Variants in ATIC observed in about 807,000 individuals in gnomAD.
The protein encoded by ATIC is 5-aminoimidazole-4-carboxamide ribonucleotide formyltransferase/IMP cyclohydrolase.
ATIC carries 64 observed loss-of-function variants against 72.5 expected under a neutral mutation model. The ratio of observed to expected loss-of-function variants is 0.88; its 90% CI spans 0.72 to 1.09. ATIC has a LOEUF of 1.09. ATIC is among the 50% of genes least tolerant of loss of function. ATIC has a pLI of 0.00. For missense variants in ATIC, 787 were observed against 732.4 expected, an observed-to-expected ratio of 1.07 and a Z score of -0.86; for synonymous variants, 281 against 267.1, an observed-to-expected ratio of 1.05 and a Z score of -0.51.
rs773244918 is a variant in ATIC, at chr2:215,319,776, C to T, written c.290+45C>T. ...CTTTTAACACATTACGAACCAACGA[C>T]AAAGACTATGCCAAACCTGGTGTCC... is the stretch of plus-strand genomic sequence containing the variant. On this transcript the variant is annotated intron_variant, in intron 4 of 15. Coordinates refer to ENST00000236959, the MANE Select transcript of ATIC (RefSeq NM_004044.7). The T allele has an allele frequency of 8.9e-6, 13 of 1,462,440 alleles. No individual in the cohort carries two copies. In the East Asian group the frequency reaches 2.7e-4, roughly 31 times the overall value. The allele number at this position is 1,462,440 out of a possible 1,614,324, so 90.6% of individuals were successfully genotyped here.
intron 3 of ATIC, 26 bp from the exon 4 acceptor site, chr2:215,319,639 G>T: frequency 6.5e-7 from 1 of 1,530,060 alleles, no homozygotes; most frequent in South Asian, 1.1e-5. Context: ...TGAAGCTAAT[G>T]ACTTTGTTTA....
chr2:215,312,251 G>A (rs1390281515), intron 1 of ATIC, 90 bp downstream of exon 1: 6 of 1,459,628 alleles, frequency 4.1e-6, no homozygotes, highest in East Asian at 2.5e-5. Flanking sequence ...ACCCGGCACT[G>A]CAGGGGCGGC....
At chr2:215,349,791 A>G, downstream of ATIC, 1 of 1,476,164 alleles carries the variant, frequency 6.8e-7, no homozygotes, top group East Asian at 2.3e-5. Context: ...GTTGTGTTTT[A>G]TGTTAAAGAT....
chr2:215,318,127 G>C, intron 2 of ATIC, 30 bp from the exon 3 acceptor site: 1 of 1,583,318 alleles, frequency 6.3e-7, no homozygotes, highest in Non-Finnish European at 8.7e-7. Flanking sequence ...AGCCACACCA[G>C]TAGTACCATT....
At chr2:215,326,176 T>C (rs1417781914) in intron 6 of ATIC, 38 bp downstream of exon 6, 1 of 1,612,736 alleles carries the variant, frequency 6.2e-7, no homozygotes, top group South Asian at 1.1e-5. Flanking sequence ...GTTACATCCA[T>C]GGAGTGCAGT....
At chr2:215,355,422 TGGG>T in the ATIC span, among the ~76,000 whole-genome samples, 1 of 152,138 alleles carries the variant, frequency 6.6e-6, no homozygotes. Flanking sequence ...GTATTTCTAT[TGGG>T]GGATCCCCTG....
At chr2:215,334,546 G>A (rs1029560571) in intron 9 of ATIC, among the ~76,000 whole-genome samples, 2 of 152,100 alleles carry the variant, frequency 1.3e-5, no homozygotes, top group African/African-American at 4.8e-5. Flanking sequence ...TTTACTTGTT[G>A]AATTTAATAA....
chr2:215,317,643 G>A (rs1023856681), intron 2 of ATIC, among the ~76,000 whole-genome samples: 9 of 151,950 alleles, frequency 5.9e-5, no homozygotes, highest in East Asian at 5.8e-4. Context: ...CCGCCATCAC[G>A]CTCGGCTAAT....
chr2:215,333,915 A>G (rs10932607), intron 9 of ATIC, among the ~76,000 whole-genome samples: 1 of 151,006 alleles, frequency 6.6e-6, no homozygotes, highest in Non-Finnish European at 1.5e-5. Context: ...GGTGGGGGGT[A>G]CCTGTAGTCC....
chr2:215,338,266 A>C (rs1559276709), intron 11 of ATIC, among the ~76,000 whole-genome samples: 2 of 152,244 alleles, frequency 1.3e-5, no homozygotes, highest in African/African-American at 2.4e-5. Flanking sequence ...TAGCAAAGAC[A>C]CAGATTACAA....
At chr2:215,340,791 C>G (rs1053305153) in intron 12 of ATIC, among the ~76,000 whole-genome samples, 2 of 152,128 alleles carry the variant, frequency 1.3e-5, no homozygotes, top group South Asian at 4.2e-4. Flanking sequence ...TCTAAGACTG[C>G]CAAAAGTTGT....
At chr2:215,327,520 G>A (rs2052842275) in intron 7 of ATIC, among the ~76,000 whole-genome samples, 1 of 152,212 alleles carries the variant, frequency 6.6e-6, no homozygotes, top group Non-Finnish European at 1.5e-5. Flanking sequence ...AAGAAAGTAG[G>A]ACTTTCTCTG....
the ATIC span, chr2:215,361,642 A>T: frequency 3.8e-6 from 6 of 1,596,836 alleles, no homozygotes; most frequent in African/African-American, 1.3e-5. Flanking sequence ...AAAAAGGAAG[A>T]AGGAAAAAAA....
chr2:215,337,021 T>TA (rs1160145300), intron 11 of ATIC, among the ~76,000 whole-genome samples: 3 of 152,186 alleles, frequency 2.0e-5, no homozygotes, highest in African/African-American at 7.2e-5. Context: ...TGAATGTTTT[T>TA]ATTCCTTTCT....
intron 12 of ATIC, among the ~76,000 whole-genome samples, chr2:215,339,302 G>T (rs1358954958): frequency 2.0e-5 from 3 of 152,184 alleles, no homozygotes; most frequent in Non-Finnish European, 2.9e-5. Flanking sequence ...CAGCTCTCTT[G>T]AGGTCAGGAG....
intron 11 of ATIC, among the ~76,000 whole-genome samples, chr2:215,337,719 T>C (rs1575122333): frequency 6.6e-6 from 1 of 152,338 alleles, no homozygotes; most frequent in East Asian, 1.9e-4. Context: ...GAGTGTTATG[T>C]ACTTAACAAC....
the ATIC span, chr2:215,365,780 T>C: frequency 2.2e-3 from 962 of 433,768 alleles, 6 homozygotes; most frequent in African/African-American, 0.018. Context: ...AATGGGCCAT[T>C]TATTTTATTT....
At chr2:215,334,814 G>T in intron 9 of ATIC, 105 bp from the exon 10 acceptor site, 1 of 888,088 alleles carries the variant, frequency 1.1e-6, no homozygotes, top group South Asian at 1.4e-5. Context: ...TAAACAGTAA[G>T]ATTAGCTTTA....
intron 12 of ATIC, among the ~76,000 whole-genome samples, chr2:215,343,495 C>T (rs933031080): frequency 6.6e-6 from 1 of 152,082 alleles, no homozygotes; most frequent in African/African-American, 2.4e-5. Flanking sequence ...CGCCACCACA[C>T]CTGGCAAATT....
Sources: gnomAD v4.1 joint callset for allele counts (sites outside exome capture counted in the v4.1 genomes callset) on GRCh38, gnomAD v4.1.1 for gene constraint, MANE v1.5 for transcripts, NCBI Gene and HGNC (gene_info 2026-07-23, HGNC 2026-07-21) for gene names.